The following WDPCP variants were observed in gnomAD, a reference collection of about 807,000 sequenced individuals.
WDPCP encodes the protein WD repeat containing planar cell polarity effector.
In WDPCP, 71 loss-of-function variants were observed where a neutral mutation model predicts 93.1. The ratio of observed to expected loss-of-function variants is 0.76; its 90% CI spans 0.63 to 0.93. The LOEUF (loss-of-function observed/expected upper bound fraction) is 0.93. WDPCP is among the 40% of genes least tolerant of loss of function. WDPCP has a pLI of 0.00. For synonymous variants in WDPCP, 315 were observed against 315.0 expected (o/e 1.00, Z 0.00); for missense variants, 844 against 887.4 (o/e 0.95, Z 0.62).
At chr2:63,592,547 T>C (rs927158056), upstream of WDPCP, among the ~76,000 whole-genome samples, 4 of 152,194 alleles carry the variant, frequency 2.6e-5, no homozygotes, top group Non-Finnish European at 5.9e-5. Flanking sequence ...GGTTTCACTA[T>C]GTAGCCCAGG....
At chr2:63,684,292 T>A (rs188035669) in intron 2 of WDPCP, 36 of 589,856 alleles carry the variant, frequency 6.1e-5, no homozygotes, top group Admixed American at 1.2e-4. Flanking sequence ...TAGGCCCAAG[T>A]GGTTGCTGCT....
At chr2:63,439,049 C>G (rs558262399) in intron 7 of WDPCP, among the ~76,000 whole-genome samples, 1 of 152,236 alleles carries the variant, frequency 6.6e-6, no homozygotes, top group South Asian at 2.1e-4. Flanking sequence ...TCCTTAGTAG[C>G]TCAGCTTCGT....
At chr2:63,572,243 C>T (rs1347680247) in intron 1 of WDPCP, among the ~76,000 whole-genome samples, 1 of 152,172 alleles carries the variant, frequency 6.6e-6, no homozygotes, top group Non-Finnish European at 1.5e-5. Context: ...TAATCTAACA[C>T]CAATTGTTTC....
chr2:63,416,902 G>C (rs1164550504), intron 9 of WDPCP, among the ~76,000 whole-genome samples: 1 of 152,178 alleles, frequency 6.6e-6, no homozygotes, highest in Non-Finnish European at 1.5e-5. Context: ...CTGTATAACA[G>C]CCACAGACAA....
intron 2 of WDPCP, among the ~76,000 whole-genome samples, chr2:63,668,823 T>G (rs993197319): frequency 1.3e-5 from 2 of 152,214 alleles, no homozygotes; most frequent in Non-Finnish European, 2.9e-5. Context: ...TTTCTTATTT[T>G]GTGACAGACT....
chr2:63,485,833 A>G (rs1265708648), intron 4 of WDPCP, among the ~76,000 whole-genome samples: 1 of 151,830 alleles, frequency 6.6e-6, no homozygotes, highest in African/African-American at 2.4e-5. Context: ...ACATATACAT[A>G]GTATACATAG....
intron 10 of WDPCP, among the ~76,000 whole-genome samples, chr2:63,399,564 G>A (rs1185169997): frequency 1.6e-5 from 2 of 121,374 alleles, no homozygotes; most frequent in Admixed American, 9.6e-5. Flanking sequence ...AATTTAGAGG[G>A]TGAAAGGAGA....
intron 13 of WDPCP, among the ~76,000 whole-genome samples, chr2:63,272,144 A>G (rs1682711840): frequency 6.6e-6 from 1 of 152,194 alleles, no homozygotes; most frequent in Admixed American, 6.5e-5. Flanking sequence ...CCTGAAGACC[A>G]GCCCTCCTGA....
chr2:63,143,365 T>C (rs1477852148), intron 17 of WDPCP, among the ~76,000 whole-genome samples: 1 of 152,242 alleles, frequency 6.6e-6, no homozygotes, highest in Non-Finnish European at 1.5e-5. Flanking sequence ...GGTGAGTTCT[T>C]ATCCATTCTG....
intron 12 of WDPCP, among the ~76,000 whole-genome samples, chr2:63,328,507 C>A (rs1687740003): frequency 6.6e-6 from 1 of 152,126 alleles, no homozygotes; most frequent in Non-Finnish European, 1.5e-5. Context: ...AGCTGTAACA[C>A]TCACTGTGAA....
Position 63,203,685 on chromosome 2 carries a change from C to T in WDPCP, c.1916-28853G>A, listed in dbSNP as rs117763347. Among the ~76,000 whole-genome samples, 115 of 152,280 alleles carry T rather than the reference C, an allele frequency of 7.6e-4. 1 individual carries two copies. The East Asian group carries it at 0.017, about 23-fold the overall frequency. On this transcript the variant is annotated intron_variant, in intron 14 of 17. Transcript: ENST00000272321. Reference sequence around the variant, plus strand: ...AGCCTCTGGTAACCATCCTTCTACGCTATCTGAGTTCAATTATTTTAATTT... The same window carrying T: ...AGCCTCTGGTAACCATCCTTCTACGTTATCTGAGTTCAATTATTTTAATTT...
At chr2:63,650,146 T>G (rs534775842) in intron 3 of WDPCP, among the ~76,000 whole-genome samples, 1 of 152,212 alleles carries the variant, frequency 6.6e-6, no homozygotes, top group Non-Finnish European at 1.5e-5. Flanking sequence ...TTGCTCAAGA[T>G]GGAATGACAT....
At chr2:63,803,758 A>G (rs1430206514) in intron 2 of WDPCP, among the ~76,000 whole-genome samples, 1 of 152,162 alleles carries the variant, frequency 6.6e-6, no homozygotes, top group South Asian at 2.1e-4. Flanking sequence ...GCTCTCCTCA[A>G]TTTCACTCAC....
chr2:63,602,931 G>A (rs1709452562), intron 3 of WDPCP, among the ~76,000 whole-genome samples: 1 of 105,760 alleles, frequency 9.5e-6, no homozygotes, highest in South Asian at 3.0e-4. Context: ...TTATTTAACC[G>A]TTCTTTTTTT....
chr2:63,823,921 C>A (rs1474028702), intron 1 of WDPCP, among the ~76,000 whole-genome samples: 1 of 152,088 alleles, frequency 6.6e-6, no homozygotes, highest in African/African-American at 2.4e-5. Flanking sequence ...GCCTGGTAAT[C>A]TCAGCACTTT....
At chr2:63,174,916 T>G in intron 14 of WDPCP, 84 bp from the exon 15 acceptor site, 1 of 1,455,208 alleles carries the variant, frequency 6.9e-7, no homozygotes, top group Non-Finnish European at 9.6e-7. Context: ...AGAACAACAT[T>G]CACATATCCC....
intron 2 of WDPCP, among the ~76,000 whole-genome samples, chr2:63,666,697 C>A (rs549384086): frequency 6.6e-6 from 1 of 152,276 alleles, no homozygotes; most frequent in East Asian, 1.9e-4. Flanking sequence ...CAGTGCTGGG[C>A]ATTTTTCACT....
At chr2:63,286,403 T>A (rs1684004762) in intron 13 of WDPCP, among the ~76,000 whole-genome samples, 1 of 152,160 alleles carries the variant, frequency 6.6e-6, no homozygotes, top group Non-Finnish European at 1.5e-5. Context: ...TTAAGAAGGT[T>A]CTTTGTAATC....
intron 1 of WDPCP, among the ~76,000 whole-genome samples, chr2:63,529,810 G>A (rs1002973269): frequency 1.3e-5 from 2 of 152,184 alleles, no homozygotes; most frequent in Non-Finnish European, 2.9e-5. Context: ...GAATTCGGCT[G>A]TGAATCCTTC....
Sources: allele counts gnomAD v4.1 joint callset (sites outside exome capture counted in the v4.1 genomes callset), GRCh38; gene constraint gnomAD v4.1.1; transcripts MANE v1.5; gene names NCBI Gene and HGNC (gene_info 2026-07-23, HGNC 2026-07-21).